Variants in SMAD2 observed in about 807,000 individuals in gnomAD.
SMAD2 encodes the protein MAD homolog 2.
In SMAD2, 8 loss-of-function variants were observed where a neutral mutation model predicts 64.4. The ratio of observed to expected loss-of-function variants is 0.12; its 90% confidence interval spans 0.07 to 0.22. SMAD2 has a LOEUF of 0.22. Among genes scored for constraint, SMAD2 ranks in the 10% least tolerant of loss-of-function variants. SMAD2 has a pLI of 1.00. For synonymous variants in SMAD2, 203 were observed against 195.8 expected, an observed-to-expected ratio of 1.04 and a Z score of -0.31; for missense variants, 289 against 561.2, an observed-to-expected ratio of 0.51 and a Z score of 4.90.
Position 47,827,976 on chromosome 18 carries a change from GC to G in SMAD2, c.*13850del. On this transcript the variant is annotated 3_prime_UTR_variant, in exon 11 of 11. Coordinates refer to ENST00000262160, the MANE Select transcript of SMAD2 (RefSeq NM_005901.6). ...ATGTGAGGAGCCCCTCAGCCCGGCC[GC>G]CCAGTCTGGGAAGTGAGGAGCGCCT... 1 of 170,162 alleles carries G rather than the reference GC, an allele frequency of 5.9e-6. No homozygotes were observed. Among genetic ancestry groups the G allele is most frequent in the East Asian group, 1.8e-4 (1 of 5,578 alleles). The allele number at this position is 170,162 out of a possible 1,614,324, so 10.5% of individuals were successfully genotyped here. A position where few individuals can be genotyped will look rare whatever the true frequency, so the allele number is the denominator to read the frequency against.
intron 2 of SMAD2, among the ~76,000 whole-genome samples, chr18:47,890,038 G>A (rs1173651821): frequency 6.6e-6 from 1 of 152,164 alleles, no homozygotes; most frequent in East Asian, 1.9e-4. Context: ...TAAGGTAAGT[G>A]ATAAAAATGC....
Position 47,841,964 on chromosome 18 carries a change from T to G in SMAD2, c.1281-14A>C, listed in dbSNP as rs189656534. On this transcript the variant is annotated splice_polypyrimidine_tract_variant and intron_variant, in intron 10 of 10. Coordinates refer to ENST00000262160, the MANE Select transcript of SMAD2 (RefSeq NM_005901.6). ...ACCGTCTGCCTTCTGTTTAAAAGAATACAGGAAAATGATTATGAAATTCAA... is the reference window on the plus strand; with the variant it reads ...ACCGTCTGCCTTCTGTTTAAAAGAAGACAGGAAAATGATTATGAAATTCAA... 2 of 1,613,864 alleles carry G rather than the reference T, an allele frequency of 1.2e-6. No homozygotes were observed. The highest frequency in any genetic ancestry group is 1.7e-6 in the Non-Finnish European group (2 of 1,179,910).
intron 10 of SMAD2, among the ~76,000 whole-genome samples, chr18:47,843,135 G>C (rs982330286): frequency 7.2e-5 from 11 of 152,204 alleles, no homozygotes; most frequent in African/African-American, 2.7e-4. Flanking sequence ...GCAGGTATCT[G>C]CATTTCTGTG....
rs1480098850 is a variant in SMAD2, at chr18:47,839,208, G to C, written c.*2619C>G. ...CATACTGTACAGAAAAATCGCATCA[G>C]AACTGTAGAGATGCGCTCCACTACT... On this transcript the variant is annotated 3_prime_UTR_variant, in exon 11 of 11. Coordinates refer to ENST00000262160, the MANE Select transcript of SMAD2 (RefSeq NM_005901.6). 1.3e-5 allele frequency: 3 copies of C among 233,174 alleles called. No homozygotes were observed. The highest frequency in any genetic ancestry group is 1.1e-4 in the Admixed American group (2 of 17,776). The allele number at this position is 233,174 out of a possible 1,614,324, so 14.4% of individuals were successfully genotyped here. A position where few individuals can be genotyped will look rare whatever the true frequency, so the allele number is the denominator to read the frequency against.
intron 2 of SMAD2, among the ~76,000 whole-genome samples, chr18:47,888,909 T>C (rs1206676299): frequency 6.6e-6 from 1 of 152,128 alleles, no homozygotes; most frequent in Admixed American, 6.5e-5. Flanking sequence ...AAAGTAACTA[T>C]TATAAATATA....
intron 3 of SMAD2, among the ~76,000 whole-genome samples, chr18:47,870,220 T>C (rs2031851287): frequency 6.6e-6 from 1 of 152,122 alleles, no homozygotes; most frequent in South Asian, 2.1e-4. Flanking sequence ...AAATATATAG[T>C]TATCAAAATT....
At chr18:47,912,860 A>G (rs1483473713) in intron 1 of SMAD2, among the ~76,000 whole-genome samples, 1 of 117,826 alleles carries the variant, frequency 8.5e-6, no homozygotes, top group Non-Finnish European at 1.8e-5. Context: ...ATAAACAGCA[A>G]AAAAAAAAAA....
chr18:47,918,172 T>C (rs979342451), intron 1 of SMAD2, among the ~76,000 whole-genome samples: 2 of 152,204 alleles, frequency 1.3e-5, no homozygotes, highest in Non-Finnish European at 1.5e-5. Context: ...GGATAACTAA[T>C]CCTCTGCCTC....
chr18:47,839,702 T>C lies in SMAD2; in HGVS notation c.*2125A>G, dbSNP rs772730417. ...TGTAGAACCATTCTGATCTTCAAGT[T>C]TGGATTTGTATAGAGGTTTCTGTAT... On this transcript the variant is annotated 3_prime_UTR_variant, in exon 11 of 11. Transcript: ENST00000262160. The C allele has an allele frequency of 2.1e-5, 5 of 233,268 alleles. No individual in the cohort carries two copies. Among genetic ancestry groups the C allele is most frequent in the Non-Finnish European group, 3.4e-5 (4 of 118,044 alleles). The allele number at this position is 233,268 out of a possible 1,614,324, so 14.4% of individuals were successfully genotyped here.
rs551196460 is a variant in SMAD2 at position 47,864,826 on chromosome 18, T to C, written c.730+233A>G. Among the ~76,000 whole-genome samples the C allele has an allele frequency of 8.0e-4, 122 of 152,276 alleles. 1 individual carries two copies. Among genetic ancestry groups the C allele is most frequent in the Admixed American group, 3.4e-3 (52 of 15,302 alleles). On this transcript the variant is annotated intron_variant, in intron 6 of 10. Coordinates refer to ENST00000262160, the MANE Select transcript of SMAD2 (RefSeq NM_005901.6). ...GTATGTGCATGTTTTCAAATTTTCATTTACTCTAATAAAAAATAACAATTA... is the reference window on the plus strand; with the variant it reads ...GTATGTGCATGTTTTCAAATTTTCACTTACTCTAATAAAAAATAACAATTA...
At chr18:47,845,118 C>A in intron 10 of SMAD2, 3 of 623,504 alleles carry the variant, frequency 4.8e-6, no homozygotes, top group Non-Finnish European at 8.5e-6. Flanking sequence ...CTCTGAATTA[C>A]GTTAAAATGC....
Position 47,812,729 on chromosome 18 carries a change from A to C in SMAD2, c.*29098T>G, listed in dbSNP as rs190458312. 4.6e-5 allele frequency: 7 copies of C among 152,318 alleles called. No homozygotes were observed. Among genetic ancestry groups the C allele is most frequent in the Non-Finnish European group, 1.0e-4 (7 of 68,048 alleles). 9.4% of individuals were successfully genotyped at this position (152,318 alleles called of 1,614,324 possible). A position where few individuals can be genotyped will look rare whatever the true frequency, so the allele number is the denominator to read the frequency against. ...CTTAAGTGGTGGTAATCAAATCTAA[A>C]GCACATTTTATAGCACACACACTCG... On this transcript the variant is annotated 3_prime_UTR_variant, in exon 11 of 11. Transcript: ENST00000262160.
Position 47,848,704 on chromosome 18 carries a change from TA to T in SMAD2, c.785-18del. 1.3e-6 allele frequency: 2 copies of T among 1,548,654 alleles called. No individual in the cohort carries two copies. Among genetic ancestry groups the T allele is most frequent in the Non-Finnish European group, 1.8e-6 (2 of 1,129,048 alleles). On this transcript the variant is annotated intron_variant, in intron 7 of 10. Transcript: ENST00000262160. The stretch of plus-strand genomic sequence containing the variant: ...GCTGTAAATCTGAAAAAGAAAAAAA[TA>T]AAAAAATAATAAAAGGAAGAAATGC...
chr18:47,883,700 C>G (rs543929508), intron 2 of SMAD2, among the ~76,000 whole-genome samples: 3 of 152,300 alleles, frequency 2.0e-5, no homozygotes, highest in African/African-American at 7.2e-5. Flanking sequence ...AGATATATCA[C>G]TTTACAATCT....
chr18:47,897,418 T>C (rs1040687158), intron 1 of SMAD2, among the ~76,000 whole-genome samples: 2 of 152,166 alleles, frequency 1.3e-5, no homozygotes, highest in East Asian at 3.8e-4. Context: ...AAATAACAAT[T>C]TGCATAGTGA....
intron 6 of SMAD2, among the ~76,000 whole-genome samples, chr18:47,860,681 AATAAACACATTACAAG>A (rs143127673): frequency 0.035 from 5,268 of 152,238 alleles, 468 homozygotes; most frequent in Admixed American, 0.19. Flanking sequence ...TATTAAAACT[AATAAACACATTACAAG>A]GGAAAAAACC....
chr18:47,919,469 T>TACACACACACACACACAC, intron 1 of SMAD2, among the ~76,000 whole-genome samples: 1 of 129,974 alleles, frequency 7.7e-6, no homozygotes, highest in African/African-American at 3.0e-5. Flanking sequence ...AAAAAAAAAA[T>TACACACACACACACACAC]ACACACACAC....
chr18:47,908,579 T>C (rs2033998241), intron 1 of SMAD2, among the ~76,000 whole-genome samples: 1 of 152,180 alleles, frequency 6.6e-6, no homozygotes, highest in African/African-American at 2.4e-5. Context: ...TTAAAATTTA[T>C]CAAAACTTAC....
intron 1 of SMAD2, 59 bp from the exon 2 acceptor site, chr18:47,896,868 C>A: frequency 6.8e-7 from 1 of 1,470,480 alleles, no homozygotes; most frequent in Non-Finnish European, 9.2e-7. Flanking sequence ...GTAATAATTT[C>A]AACTTATCAT....
Sources: allele counts gnomAD v4.1 joint callset (sites outside exome capture counted in the v4.1 genomes callset), GRCh38; gene constraint gnomAD v4.1.1; transcripts MANE v1.5; gene names NCBI Gene and HGNC (gene_info 2026-07-23, HGNC 2026-07-21).